The following GRAMD2A variants were observed in gnomAD, a reference collection of about 807,000 sequenced individuals.
The protein encoded by GRAMD2A is GRAM domain containing 2A.
Under a neutral mutation model 51.1 loss-of-function variants are expected in GRAMD2A, and 37 were observed. The observed-to-expected ratio is 0.72, with a 90% CI of 0.56 to 0.95. The LOEUF (loss-of-function observed/expected upper bound fraction) is 0.95, where lower values mean the gene tolerates loss of function less well. Ranked by LOEUF, GRAMD2A falls within the 40% of genes least tolerant of loss-of-function variation. The pLI, the probability that GRAMD2A is intolerant of heterozygous loss-of-function variation, is 0.00. For missense variants in GRAMD2A, 414 were observed against 426.9 expected (o/e 0.97, Z 0.27); for synonymous variants, 136 against 157.1 (o/e 0.87, Z 1.01).
chr15:72,176,232 C>T (rs534335260), intron 1 of GRAMD2A: 1 of 152,960 alleles, frequency 6.5e-6, no homozygotes, highest in African/African-American at 2.4e-5. Context: ...TTCCTAACCA[C>T]AGGGCAAACC....
At chr15:72,195,997 A>C (rs1026479465) in intron 1 of GRAMD2A, among the ~76,000 whole-genome samples, 33 of 152,212 alleles carry the variant, frequency 2.2e-4, no homozygotes, top group African/African-American at 7.7e-4. Flanking sequence ...TCTTCAGGCT[A>C]TTCAGAAAAT....
intron 1 of GRAMD2A, among the ~76,000 whole-genome samples, chr15:72,185,673 C>G (rs779070338): frequency 6.6e-6 from 1 of 152,152 alleles, no homozygotes; most frequent in Non-Finnish European, 1.5e-5. Context: ...AATTAAGTAG[C>G]GAAGTATTAA....
At chr15:72,181,760 C>A (rs927698539) in intron 1 of GRAMD2A, among the ~76,000 whole-genome samples, 1 of 152,178 alleles carries the variant, frequency 6.6e-6, no homozygotes, top group Non-Finnish European at 1.5e-5. Flanking sequence ...TTGGAAGCAA[C>A]AGTCACGAGT....
intron 1 of GRAMD2A, 121 bp downstream of exon 1, chr15:72,197,610 C>T: frequency 6.4e-6 from 5 of 784,336 alleles, no homozygotes; most frequent in Non-Finnish European, 8.4e-6. Flanking sequence ...AAGTGCCTGC[C>T]CCGTGGGCAG....
At position 72,163,703 on chromosome 15, in the gene GRAMD2A, G is replaced by T. The variant is rs775228423; in HGVS notation, c.655C>A (p.Leu219Met). ...WRKVCPSSRS[L>M]SLPDNIPCIP... ...CAAGGGATGTTGTCTGGGAGAGACA[G>T]GGACCTGGAGGAAGGGCATACCTTT... The change falls in exon 9 of 12, where the codon CTG (leucine) becomes ATG (methionine). Residue 219 changes from leucine (L) to methionine (M), a missense_variant. Transcript: ENST00000309731. The T allele has an allele frequency of 6.2e-7, 1 of 1,609,438 alleles. No homozygotes were observed. Among genetic ancestry groups the T allele is most frequent in the Non-Finnish European group, 8.5e-7 (1 of 1,178,784 alleles).
At chr15:72,167,325 G>A (rs2081558441) in intron 5 of GRAMD2A, among the ~76,000 whole-genome samples, 1 of 152,218 alleles carries the variant, frequency 6.6e-6, no homozygotes, top group South Asian at 2.1e-4. Context: ...ACATAGGTAT[G>A]ATCCCTGTTA....
rs140849344 is a variant in GRAMD2A, at chr15:72,172,873, A to G, written c.42-2934T>C. 1.8e-3 allele frequency among the ~76,000 whole-genome samples: 272 copies of G among 152,028 alleles called. 7 individuals are homozygous for G. In the East Asian group the frequency reaches 0.051, roughly 29 times the overall value. ...ATGGGAGATTCCATCTATTTCTTCC[A>G]TGTATGTTTCTCGCTTGGTCTCAGT... On this transcript the variant is annotated intron_variant, in intron 1 of 11. Transcript: ENST00000309731.
At chr15:72,180,926 T>G (rs1306583428) in intron 1 of GRAMD2A, among the ~76,000 whole-genome samples, 1 of 152,100 alleles carries the variant, frequency 6.6e-6, no homozygotes, top group Non-Finnish European at 1.5e-5. Context: ...AGATGAACCC[T>G]CATCCCAGGA....
At chr15:72,189,851 G>A (rs1304904230) in intron 1 of GRAMD2A, among the ~76,000 whole-genome samples, 1 of 152,190 alleles carries the variant, frequency 6.6e-6, no homozygotes, top group Non-Finnish European at 1.5e-5. Flanking sequence ...CTGTCTGAAA[G>A]CTTAGGCTGT....
chr15:72,188,714 G>A (rs2081749759), intron 1 of GRAMD2A, among the ~76,000 whole-genome samples: 1 of 150,610 alleles, frequency 6.6e-6, no homozygotes, highest in African/African-American at 2.4e-5. Context: ...ACAGAGTCTT[G>A]CTCTGTCGCC....
intron 1 of GRAMD2A, among the ~76,000 whole-genome samples, chr15:72,193,663 C>T (rs971201081): frequency 1.3e-5 from 2 of 152,218 alleles, no homozygotes; most frequent in East Asian, 3.9e-4. Flanking sequence ...GCTGGGACTA[C>T]AGGCGCCCAC....
At chr15:72,179,098 C>A (rs948567640) in intron 1 of GRAMD2A, among the ~76,000 whole-genome samples, 3 of 152,310 alleles carry the variant, frequency 2.0e-5, no homozygotes, top group Admixed American at 2.0e-4. Flanking sequence ...TCATCACAAT[C>A]CCTTCTTCCA....
In GRAMD2A at chr15:72,169,214, G is replaced by A. The variant is rs1040633547; in HGVS notation, c.135-218C>T. On this transcript the variant is annotated intron_variant, in intron 2 of 11. Transcript: ENST00000309731. ...GAGGGCACTGCGGGAGGTAGAGAGG[G>A]GTCGCCAAGGGCCCACCTTCCCCAG... 1.0e-5 allele frequency: 6 copies of A among 585,288 alleles called. No homozygotes were observed. The African/African-American group carries it at 1.1e-4, about 11-fold the overall frequency. 36.3% of individuals were successfully genotyped at this position (585,288 alleles called of 1,614,324 possible).
chr15:72,197,701 G>A (rs1355266052), intron 1 of GRAMD2A, 30 bp downstream of exon 1: 3 of 1,302,244 alleles, frequency 2.3e-6, no homozygotes, highest in African/African-American at 1.6e-5. Flanking sequence ...CGGAACCCCC[G>A]AGACCGGCCC....
In GRAMD2A at chr15:72,170,651, C is replaced by G. The variant is rs76366343; in HGVS notation, c.42-712G>C. Reference sequence around the variant, plus strand: ...AATGGCCTTTGAGTTCCTGCCTCCACTAATCGCTCCAAAGAATCATTACCC... The same window carrying G: ...AATGGCCTTTGAGTTCCTGCCTCCAGTAATCGCTCCAAAGAATCATTACCC... On this transcript the variant is annotated intron_variant, in intron 1 of 11. Coordinates refer to ENST00000309731, the MANE Select transcript of GRAMD2A (RefSeq NM_001012642.3). This position sits in a 1 kb window ranked among gnomAD's most constrained non-coding sequence, Gnocchi z 4.5. Among the ~76,000 whole-genome samples, 13 of 152,204 alleles carry G rather than the reference C, an allele frequency of 8.5e-5. No homozygotes were observed. The highest frequency in any genetic ancestry group is 2.9e-4 in the African/African-American group (12 of 41,446).
intron 1 of GRAMD2A, among the ~76,000 whole-genome samples, chr15:72,193,622 A>T (rs2081784364): frequency 6.6e-6 from 1 of 151,482 alleles, no homozygotes; most frequent in South Asian, 2.1e-4. Context: ...TCCCAGGTTC[A>T]CGCCAGTCTC....
chr15:72,194,089 G>C (rs1157207439), intron 1 of GRAMD2A, among the ~76,000 whole-genome samples: 1 of 152,234 alleles, frequency 6.6e-6, no homozygotes. Context: ...GGTGATGACA[G>C]GTGGTGACAG....
In GRAMD2A at chr15:72,161,433, GC is replaced by G. The variant is rs2081473895; in HGVS notation, c.*575del. ...TCTCTGGCTGGAATCCTGGCCATGA[GC>G]CCTCCCCTCTGCATTCACAGATTCT... On this transcript the variant is annotated 3_prime_UTR_variant, in exon 12 of 12. Transcript: ENST00000309731. 1 of 154,248 alleles carries G rather than the reference GC, an allele frequency of 6.5e-6. No homozygotes were observed. Among genetic ancestry groups the G allele is most frequent in the African/African-American group, 2.4e-5 (1 of 41,482 alleles). 9.6% of individuals were successfully genotyped at this position (154,248 alleles called of 1,614,324 possible).
intron 1 of GRAMD2A, 31 bp downstream of exon 1, chr15:72,197,700 C>G (rs2081821525): frequency 1.5e-6 from 2 of 1,300,502 alleles, no homozygotes; most frequent in African/African-American, 1.6e-5. Context: ...CCGGAACCCC[C>G]GAGACCGGCC....
Sources: allele counts gnomAD v4.1 joint callset (sites outside exome capture counted in the v4.1 genomes callset), GRCh38; gene constraint gnomAD v4.1.1; non-coding constraint Gnocchi (gnomAD v3.1); transcripts MANE v1.5; gene names NCBI Gene and HGNC (gene_info 2026-07-23, HGNC 2026-07-21).